The following PROS1 variants were observed in gnomAD, a reference collection of about 807,000 sequenced individuals.
The protein encoded by PROS1 is vitamin K-dependent protein S.
PROS1 carries 29 observed loss-of-function variants against 75.9 expected under a neutral mutation model. The ratio of observed to expected loss-of-function variants is 0.38; its 90% CI spans 0.28 to 0.52. The LOEUF (loss-of-function observed/expected upper bound fraction) is 0.52. PROS1 is among the 20% of genes least tolerant of loss of function. The pLI, the probability that PROS1 is intolerant of heterozygous loss-of-function variation, is 0.83. For missense variants in PROS1, 680 were observed against 810.3 expected, an observed-to-expected ratio of 0.84 and a Z score of 1.95; for synonymous variants, 245 against 280.6, an observed-to-expected ratio of 0.87 and a Z score of 1.27.
At chr3:93,917,072 G>C (rs1031456519) in intron 3 of PROS1, among the ~76,000 whole-genome samples, 1 of 152,162 alleles carries the variant, frequency 6.6e-6, no homozygotes, top group Non-Finnish European at 1.5e-5. Context: ...CTGAATGTTT[G>C]CTTGTTTTGA....
chr3:93,906,848 C>T (rs147014522), intron 4 of PROS1, among the ~76,000 whole-genome samples: 2,655 of 152,320 alleles, frequency 0.017, 68 homozygotes, highest in African/African-American at 0.058. Flanking sequence ...CAGCTGTTGT[C>T]GCAGCCTAGC....
chr3:93,903,815 CTT>C (rs958371111), intron 6 of PROS1, among the ~76,000 whole-genome samples: 1 of 147,258 alleles, frequency 6.8e-6, no homozygotes, highest in Non-Finnish European at 1.5e-5. Context: ...TAATGACAGT[CTT>C]TTTTTTTTTA....
At chr3:93,928,011 A>ATATATGTAT (rs1235149837) in intron 1 of PROS1, among the ~76,000 whole-genome samples, 1 of 44,468 alleles carries the variant, frequency 2.2e-5, no homozygotes, top group Non-Finnish European at 3.9e-5. Flanking sequence ...ATATATATAT[A>ATATATGTAT]TTTTTTTTTT....
At position 93,873,933 on chromosome 3, in the gene PROS1, C is replaced by T. The variant is rs2107119270; in HGVS notation, c.*312G>A. On this transcript the variant is annotated 3_prime_UTR_variant, in exon 15 of 15. Coordinates refer to ENST00000394236, the MANE Select transcript of PROS1 (RefSeq NM_000313.4). ...TGAAAAAAACATAGGTATTTAGACA[C>T]TAGTTCATGATGATAAAATTAAAAT... The T allele has an allele frequency of 3.3e-6, 1 of 301,088 alleles. No individual in the cohort carries two copies. The highest frequency in any genetic ancestry group is 1.1e-3 in the Middle Eastern group (1 of 870). The allele number at this position is 301,088 out of a possible 1,614,324, so 18.7% of individuals were successfully genotyped here.
intron 2 of PROS1, 69 bp downstream of exon 2, chr3:93,927,181 G>C (rs1576198242): frequency 6.3e-7 from 1 of 1,581,534 alleles, no homozygotes; most frequent in East Asian, 2.2e-5. Context: ...AGGAAGTACA[G>C]GCTGGAAATG....
At chr3:93,970,905 G>A (rs1391097886) in intron 1 of PROS1, among the ~76,000 whole-genome samples, 1 of 152,104 alleles carries the variant, frequency 6.6e-6, no homozygotes, top group African/African-American at 2.4e-5. Context: ...AAGGCTGATG[G>A]GAGGATTCCT....
intron 3 of PROS1, among the ~76,000 whole-genome samples, chr3:93,921,042 T>A (rs1267465213): frequency 6.6e-6 from 1 of 152,206 alleles, no homozygotes; most frequent in Non-Finnish European, 1.5e-5. Context: ...TTTTTCTGTA[T>A]GAACTGAGGT....
intron 1 of PROS1, among the ~76,000 whole-genome samples, chr3:93,954,615 T>C (rs1021922931): frequency 2.4e-4 from 36 of 152,112 alleles, no homozygotes; most frequent in Non-Finnish European, 4.4e-4. Flanking sequence ...CCTAAAACCA[T>C]AAAAACCCTA....
chr3:93,958,228 AAG>A (rs1441315351), intron 1 of PROS1, among the ~76,000 whole-genome samples: 1 of 152,194 alleles, frequency 6.6e-6, no homozygotes, highest in Admixed American at 6.5e-5. Flanking sequence ...TTTAGGTAAA[AAG>A]AATTTGTGTC....
At chr3:93,941,697 C>T (rs933175460) in intron 1 of PROS1, among the ~76,000 whole-genome samples, 64 of 152,174 alleles carry the variant, frequency 4.2e-4, no homozygotes, top group Non-Finnish European at 1.9e-4. Flanking sequence ...ACACAAGGAC[C>T]AGGACCACAC....
At position 93,884,899 on chromosome 3, in the gene PROS1, A is replaced by C. The variant is rs200270949; in HGVS notation, c.1324-3T>G. 102 of 1,611,122 alleles carry C rather than the reference A, an allele frequency of 6.3e-5. No individual in the cohort carries two copies. The highest frequency in any genetic ancestry group is 8.4e-5 in the Non-Finnish European group (99 of 1,178,298). ...CATCCATCTAGACGAGGGTTAATCT[A>C]ACAAATTAAAATACAAGTCAAGGAG... is the stretch of plus-strand genomic sequence containing the variant. On this transcript the variant is annotated splice_region_variant and splice_polypyrimidine_tract_variant and intron_variant, in intron 11 of 14. Transcript: ENST00000394236.
At position 93,873,993 on chromosome 3, in the gene PROS1, G is replaced by T; in HGVS notation, c.*252C>A. ...CAAACAAAAATTGAAACTGTCATTT[G>T]TAGGAAAAAAATTCAAATTTAAAAT... On this transcript the variant is annotated 3_prime_UTR_variant, in exon 15 of 15. Transcript: ENST00000394236. 2.5e-6 allele frequency: 1 copy of T among 406,064 alleles called. No homozygotes were observed. Among genetic ancestry groups the T allele is most frequent in the South Asian group, 3.4e-5 (1 of 28,996 alleles). 25.2% of individuals were successfully genotyped at this position (406,064 alleles called of 1,614,324 possible). A position where few individuals can be genotyped will look rare whatever the true frequency, so the allele number is the denominator to read the frequency against.
intron 1 of PROS1, among the ~76,000 whole-genome samples, chr3:93,930,789 A>G (rs761697321): frequency 1.3e-5 from 2 of 152,206 alleles, no homozygotes; most frequent in East Asian, 3.8e-4. Flanking sequence ...AGCATGCAAC[A>G]TATTTTTCCA....
intron 5 of PROS1, 31 bp downstream of exon 5, chr3:93,905,990 T>C (rs758647005): frequency 3.1e-6 from 5 of 1,612,786 alleles, no homozygotes; most frequent in South Asian, 1.1e-5. Flanking sequence ...CCAATCCTGA[T>C]GAGCTGGGGG....
intron 1 of PROS1, among the ~76,000 whole-genome samples, chr3:93,954,487 A>G (rs1709564755): frequency 6.6e-6 from 1 of 152,328 alleles, no homozygotes; most frequent in South Asian, 2.1e-4. Context: ...AGGATTCCCT[A>G]TTTAATAAAT....
chr3:93,969,999 T>C (rs1363396561), intron 1 of PROS1, among the ~76,000 whole-genome samples: 1 of 152,222 alleles, frequency 6.6e-6, no homozygotes, highest in Non-Finnish European at 1.5e-5. Context: ...TTACTGTATA[T>C]TAGAAATTGT....
intron 1 of PROS1, among the ~76,000 whole-genome samples, chr3:93,951,494 G>A (rs556867983): frequency 6.6e-6 from 1 of 152,190 alleles, no homozygotes; most frequent in Middle Eastern, 3.4e-3. Context: ...CCAGCCAAAC[G>A]AAGCTTCATA....
Position 93,898,477 on chromosome 3 carries a change from T to C in PROS1, c.820A>G (p.Lys274Glu). ...CAACTCTTCTGATCTTGGGCAAGTTTGAATCCTTTCTTCCCATCACAATAG... is the reference window on the plus strand; with the variant it reads ...CAACTCTTCTGATCTTGGGCAAGTTCGAATCCTTTCTTCCCATCACAATAG... ...TCYCDGKKGF[K>E]LAQDQKSCEV... The change falls in exon 8 of 15, where the codon AAA becomes GAA. Residue 274 changes from lysine (K) to glutamate (E), a missense_variant. Transcript: ENST00000394236. 6.2e-7 allele frequency: 1 copy of C among 1,612,792 alleles called. No individual in the cohort carries two copies. The highest frequency in any genetic ancestry group is 8.5e-7 in the Non-Finnish European group (1 of 1,179,012).
chr3:93,874,495 C>T (rs1559926693), intron 14 of PROS1, 90 bp from the exon 15 acceptor site: 3 of 1,522,398 alleles, frequency 2.0e-6, no homozygotes, highest in African/African-American at 2.8e-5. Context: ...TTCCTGTTTC[C>T]AACCAAATTC....
Sources: allele counts gnomAD v4.1 joint callset (sites outside exome capture counted in the v4.1 genomes callset), GRCh38; gene constraint gnomAD v4.1.1; transcripts MANE v1.5; gene names NCBI Gene and HGNC (gene_info 2026-07-23, HGNC 2026-07-21).